The following STARD9 variants were observed in gnomAD, a reference collection of about 807,000 sequenced individuals.
STARD9 encodes StAR related lipid transfer domain containing 9.
Under a neutral mutation model 399.8 loss-of-function variants are expected in STARD9, and 346 were observed. The observed-to-expected ratio is 0.87, with a 90% CI of 0.79 to 0.95. The LOEUF (loss-of-function observed/expected upper bound fraction) is 0.95, where lower values mean the gene tolerates loss of function less well. Ranked by LOEUF, STARD9 falls within the 40% of genes least tolerant of loss-of-function variation. The probability of loss-of-function intolerance (pLI) is 0.00; values close to 1 mark genes in which losing one functional copy is unlikely to be tolerated. For synonymous variants in STARD9, 2,203 were observed against 2,143.5 expected, an observed-to-expected ratio of 1.03 and a Z score of -0.77; for missense variants, 5,832 against 5,667.5, an observed-to-expected ratio of 1.03 and a Z score of -0.93.
At chr15:42,662,674 A>G (rs1215684325) in intron 10 of STARD9, 120 bp from the exon 11 acceptor site, 1 of 580,890 alleles carries the variant, frequency 1.7e-6, no homozygotes. Flanking sequence ...TCTAAAAGGA[A>G]TTTATTATGT....
intron 9 of STARD9, among the ~76,000 whole-genome samples, chr15:42,659,746 A>C (rs1267974432): frequency 6.6e-6 from 1 of 152,072 alleles, no homozygotes; most frequent in Admixed American, 6.6e-5. Flanking sequence ...GGAAGGTCTC[A>C]ATTTCCTGAC....
At chr15:42,670,629 T>C (rs2060186269) in intron 16 of STARD9, 1 of 152,226 alleles carries the variant, frequency 6.6e-6, no homozygotes, top group African/African-American at 2.4e-5. Context: ...GTAATGCTGC[T>C]GTTATCCCTG....
At chr15:42,627,106 G>C (rs1448821878) in intron 3 of STARD9, among the ~76,000 whole-genome samples, 1 of 151,926 alleles carries the variant, frequency 6.6e-6, no homozygotes, top group Non-Finnish European at 1.5e-5. Context: ...CACCAGCCTG[G>C]GTAACATGGC....
At position 42,684,336 on chromosome 15, in the gene STARD9, G is replaced by A. The variant is rs947943203; in HGVS notation, c.2758G>A (p.Ala920Thr). 31 of 1,536,300 alleles carry A rather than the reference G, an allele frequency of 2.0e-5. No individual in the cohort carries two copies. In the African/African-American group the frequency reaches 2.3e-4, roughly 12 times the overall value. Reference protein sequence around the residue: ...LARKGASAPDACLTMSPNSVG... With the variant: ...LARKGASAPDTCLTMSPNSVG... ...CAGGAAGGGAGCCTCAGCTCCAGAC[G>A]CTTGCCTCACCATGAGTCCCAACTC... The change falls in exon 23 of 33, where the codon GCT becomes ACT. Residue 920 changes from alanine to threonine, a missense_variant. This residue lies in a region of STARD9 where 5,828 missense variants were observed against 5,651.1 expected (regional missense o/e 1.03). Transcript: ENST00000290607.
intron 17 of STARD9, 79 bp downstream of exon 17, chr15:42,674,570 T>A (rs1042676326): frequency 7.4e-7 from 1 of 1,356,728 alleles, no homozygotes; most frequent in African/African-American, 1.4e-5. Context: ...ACTTTGATGA[T>A]GCTCTGAGAA....
chr15:42,714,098 T>C (rs933516073), intron 26 of STARD9, among the ~76,000 whole-genome samples: 2 of 150,202 alleles, frequency 1.3e-5, no homozygotes, highest in Admixed American at 6.7e-5. Flanking sequence ...TGTCTTGCTC[T>C]GTCCCCCAGG....
chr15:42,692,852 T>C lies in STARD9; in HGVS notation c.11274T>C (p.Asn3758=), dbSNP rs1296919625. 9 of 1,537,058 alleles carry C rather than the reference T, an allele frequency of 5.9e-6. No individual in the cohort carries two copies. Among genetic ancestry groups the C allele is most frequent in the Non-Finnish European group, 7.0e-6 (8 of 1,146,910 alleles). Residue 3758 remains asparagine, a synonymous_variant, in exon 23 of 33, where the codon AAT becomes AAC. Coordinates refer to ENST00000290607, the MANE Select transcript of STARD9 (RefSeq NM_020759.3). ...QTSEAEPQGA[N]VILEGLGSDT... ...CAGAGGCTGAACCTCAGGGAGCCAATGTGATCCTTGAAGGGCTAGGCTCAG... is the reference window on the plus strand; with the variant it reads ...CAGAGGCTGAACCTCAGGGAGCCAACGTGATCCTTGAAGGGCTAGGCTCAG...
At chr15:42,624,895 T>G (rs2059168449) in intron 3 of STARD9, among the ~76,000 whole-genome samples, 1 of 152,242 alleles carries the variant, frequency 6.6e-6, no homozygotes. Flanking sequence ...TATCTGTTAC[T>G]GCATTTAGTA....
At position 42,699,644 on chromosome 15, in the gene STARD9, T is replaced by C. The variant is rs184720517; in HGVS notation, c.13284+3764T>C. 1.9e-3 allele frequency among the ~76,000 whole-genome samples: 285 copies of C among 151,928 alleles called. 2 individuals are homozygous for C. Among genetic ancestry groups the C allele is most frequent in the African/African-American group, 4.7e-3 (193 of 41,376 alleles). On this transcript the variant is annotated intron_variant, in intron 26 of 32. Coordinates refer to ENST00000290607, the MANE Select transcript of STARD9 (RefSeq NM_020759.3). ...TCCTGACCTCGTGATCTGCCCGCCT[T>C]GGCCTCCCAAAATGCTGGGATTACA...
At position 42,634,935 on chromosome 15, in the gene STARD9, C is replaced by G; in HGVS notation, c.314C>G (p.Thr105Arg). 6.5e-7 allele frequency: 1 copy of G among 1,536,930 alleles called. No homozygotes were observed. Among genetic ancestry groups the G allele is most frequent in the Admixed American group, 2.0e-5 (1 of 50,980 alleles). The change falls in exon 4 of 33, where the codon ACA becomes AGA. Residue 105 changes from threonine to arginine, a missense_variant. By Grantham distance (71) the Thr-to-Arg change is moderately conservative (BLOSUM62 -1). Transcript: ENST00000290607. ...YNICLFAYGQTGSGKTYTMLG... is the reference protein window; with the variant it reads ...YNICLFAYGQRGSGKTYTMLG... ...ATATGCCTTTTTGCTTATGGACAGA[C>G]AGGCTCTGGGAAGACATATACCATG...
chr15:42,655,967 GA>G (rs1364801673), intron 9 of STARD9, among the ~76,000 whole-genome samples: 1 of 151,746 alleles, frequency 6.6e-6, no homozygotes, highest in East Asian at 1.9e-4. Context: ...ACAAACATAG[GA>G]AAAAAATGCT....
At chr15:42,636,262 G>T (rs2059416453) in intron 4 of STARD9, among the ~76,000 whole-genome samples, 1 of 152,072 alleles carries the variant, frequency 6.6e-6, no homozygotes, top group Admixed American at 6.6e-5. Flanking sequence ...TCTTGCCACT[G>T]TACTCCACCC....
intron 16 of STARD9, chr15:42,673,964 G>C (rs1283815651): frequency 2.2e-6 from 1 of 456,488 alleles, no homozygotes; most frequent in Admixed American, 2.3e-5. Flanking sequence ...GACCAAGAAG[G>C]TAAAAATCCT....
chr15:42,701,498 G>A, intron 26 of STARD9, among the ~76,000 whole-genome samples: 1 of 151,960 alleles, frequency 6.6e-6, no homozygotes, highest in Non-Finnish European at 1.5e-5. Flanking sequence ...TTTTTTTGTA[G>A]CTATTGTAAA....
chr15:42,656,530 T>TG (rs2142009687), intron 9 of STARD9, among the ~76,000 whole-genome samples: 1 of 152,144 alleles, frequency 6.6e-6, no homozygotes, highest in Middle Eastern at 3.4e-3. Context: ...TACTTGCACA[T>TG]GCATGTTTTA....
chr15:42,689,902 G>A lies in STARD9; in HGVS notation c.8324G>A (p.Gly2775Asp), dbSNP rs766953603. 7.2e-6 allele frequency: 11 copies of A among 1,537,672 alleles called. No individual in the cohort carries two copies. The South Asian group carries it at 1.2e-4, about 17-fold the overall frequency. Residue 2775 changes from glycine to aspartate, a missense_variant, in exon 23 of 33, where the codon GGC (glycine) becomes GAC (aspartate). Physicochemically the swap from Gly to Asp is moderately conservative, Grantham distance 94. This residue lies in a region of STARD9 where 5,828 missense variants were observed against 5,651.1 expected (regional missense o/e 1.03). Transcript: ENST00000290607. ...GAGACTGCAGAGGGCATACCCCCTG[G>A]CAGTCAGGACAGCAGCCCAGAGCAT... ...PQETAEGIPP[G>D]SQDSSPEHQE...
intron 16 of STARD9, 121 bp downstream of exon 16, chr15:42,669,458 G>C (rs2060165402): frequency 3.2e-6 from 3 of 925,374 alleles, no homozygotes; most frequent in Non-Finnish European, 4.6e-6. Flanking sequence ...CTACAGAGCT[G>C]CCTTCAGGTT....
Position 42,685,137 on chromosome 15 carries a change from A to C in STARD9, c.3559A>C (p.Thr1187Pro). ...TRTRASVRGF[T>P]AASDSDLLAQ... is the part of the protein sequence containing the mutation. ...AACTAGAGCTTCTGTGAGGGGCTTC[A>C]CTGCAGCCTCAGACAGTGACCTACT... The change falls in exon 23 of 33, where the codon ACT (threonine) becomes CCT (proline). Residue 1187 changes from threonine to proline, a missense_variant. Coordinates refer to ENST00000290607, the MANE Select transcript of STARD9 (RefSeq NM_020759.3). The C allele has an allele frequency of 2.0e-6, 3 of 1,537,214 alleles. No individual in the cohort carries two copies. The highest frequency in any genetic ancestry group is 2.6e-6 in the Non-Finnish European group (3 of 1,146,914).
At chr15:42,578,213 C>T (rs566844421) in intron 1 of STARD9, among the ~76,000 whole-genome samples, 3 of 151,714 alleles carry the variant, frequency 2.0e-5, no homozygotes, top group South Asian at 2.1e-4. Flanking sequence ...TGGGTTCAAG[C>T]GATTCTCCTG....
Sources: allele counts gnomAD v4.1 joint callset (sites outside exome capture counted in the v4.1 genomes callset), GRCh38; gene constraint gnomAD v4.1.1; regional missense constraint gnomAD v4.1.1; transcripts MANE v1.5; gene names NCBI Gene and HGNC (gene_info 2026-07-23, HGNC 2026-07-21).